The following NEK7 variants were observed in gnomAD, a reference collection of about 807,000 sequenced individuals.
The protein encoded by NEK7 is serine/threonine-protein kinase Nek7.
In NEK7, 18 loss-of-function variants were observed where a neutral mutation model predicts 44.6. The ratio of observed to expected loss-of-function variants is 0.40; its 90% confidence interval spans 0.28 to 0.60. The LOEUF (loss-of-function observed/expected upper bound fraction) is 0.60. NEK7 is among the 20% of genes least tolerant of loss of function. The pLI, the probability that NEK7 is intolerant of heterozygous loss-of-function variation, is 0.38. For synonymous variants in NEK7, 130 were observed against 121.1 expected (o/e 1.07, Z -0.48); for missense variants, 256 against 366.5 (o/e 0.70, Z 2.46).
intron 9 of NEK7, among the ~76,000 whole-genome samples, chr1:198,311,028 C>A (rs1571622096): frequency 6.7e-6 from 1 of 149,130 alleles, no homozygotes; most frequent in Admixed American, 6.8e-5. Context: ...TTACCTTGGA[C>A]AGTATGGCCA....
chr1:198,173,430 TA>T lies in NEK7; in HGVS notation c.-29+16171del, dbSNP rs77952432. ...GGAGTCAAAGTGAGACTCTGTCTTT[TA>T]AAAAAAAAAAAAAAAAGGACAGCTT... On this transcript the variant is annotated intron_variant, in intron 1 of 9. Coordinates refer to ENST00000367385, the MANE Select transcript of NEK7 (RefSeq NM_133494.3). Among the ~76,000 whole-genome samples, 768 of 137,162 alleles carry T rather than the reference TA, an allele frequency of 5.6e-3. 4 individuals carry two copies. Among genetic ancestry groups the T allele is most frequent in the South Asian group, 0.029 (125 of 4,296 alleles). 90.0% of individuals were successfully genotyped at this position (137,162 alleles called of 152,430 possible). A position where few individuals can be genotyped will look rare whatever the true frequency, so the allele number is the denominator to read the frequency against.
chr1:198,231,420 A>C (rs1967824), intron 1 of NEK7, among the ~76,000 whole-genome samples: 49,828 of 147,948 alleles, frequency 0.34, 9,615 homozygotes, highest in East Asian at 0.8. Context: ...TCAATATATC[A>C]TTTGAGGTCA....
chr1:198,272,624 A>C (rs1653890907), intron 5 of NEK7, among the ~76,000 whole-genome samples: 1 of 151,848 alleles, frequency 6.6e-6, no homozygotes, highest in Non-Finnish European at 1.5e-5. Context: ...TGTTCTTTTT[A>C]ATCTCACTTT....
chr1:198,252,668 T>C (rs528639358), intron 2 of NEK7, among the ~76,000 whole-genome samples: 18 of 131,912 alleles, frequency 1.4e-4, no homozygotes, highest in South Asian at 7.6e-4. Flanking sequence ...GTTTATATAT[T>C]AAAACATATG....
chr1:198,246,196 C>T (rs1368305474), intron 2 of NEK7, among the ~76,000 whole-genome samples: 1 of 152,126 alleles, frequency 6.6e-6, no homozygotes, highest in Non-Finnish European at 1.5e-5. Context: ...CTAAAGGAGA[C>T]CTCCTCTTAT....
At chr1:198,288,096 A>G (rs1654434932) in intron 7 of NEK7, among the ~76,000 whole-genome samples, 1 of 152,220 alleles carries the variant, frequency 6.6e-6, no homozygotes, top group South Asian at 2.1e-4. Context: ...CTGTGGTCAC[A>G]TACTTGTTTT....
At chr1:198,221,441 C>T (rs895970777) in intron 1 of NEK7, among the ~76,000 whole-genome samples, 1 of 150,934 alleles carries the variant, frequency 6.6e-6, no homozygotes, top group Admixed American at 6.6e-5. Context: ...TTTTTTTCTG[C>T]CTAAAGACCA....
At chr1:198,229,405 AAT>A (rs1666321507) in intron 1 of NEK7, among the ~76,000 whole-genome samples, 2 of 152,324 alleles carry the variant, frequency 1.3e-5, no homozygotes, top group African/African-American at 4.8e-5. Context: ...CGCTCTGGCA[AAT>A]AAATCAAACC....
At chr1:198,291,065 G>C (rs1217191392) in intron 7 of NEK7, among the ~76,000 whole-genome samples, 1 of 152,138 alleles carries the variant, frequency 6.6e-6, no homozygotes, top group Non-Finnish European at 1.5e-5. Context: ...TAAAATGCTA[G>C]CATTTGTTCT....
intron 1 of NEK7, among the ~76,000 whole-genome samples, chr1:198,192,180 AT>A (rs200300527): frequency 9.4e-5 from 14 of 149,346 alleles, no homozygotes; most frequent in South Asian, 6.4e-4. Flanking sequence ...CTGATGTAAA[AT>A]TTTTTTTTTA....
At chr1:198,272,266 T>A (rs1479714693) in intron 5 of NEK7, among the ~76,000 whole-genome samples, 1 of 151,808 alleles carries the variant, frequency 6.6e-6, no homozygotes, top group Non-Finnish European at 1.5e-5. Flanking sequence ...TGAAGATAAT[T>A]TTGAAGGAGC....
At chr1:198,258,078 G>A (rs1031052321) in intron 3 of NEK7, among the ~76,000 whole-genome samples, 6 of 152,144 alleles carry the variant, frequency 3.9e-5, no homozygotes, top group South Asian at 2.1e-4. Flanking sequence ...AGGCCTCTCC[G>A]AGGATGTGAA....
chr1:198,249,160 G>C (rs1009756033), intron 2 of NEK7, among the ~76,000 whole-genome samples: 9 of 150,894 alleles, frequency 6.0e-5, no homozygotes, highest in Middle Eastern at 3.4e-3. Flanking sequence ...TTGTTCTTGC[G>C]ATAGTTTACT....
rs543097476 is a variant in NEK7, at chr1:198,250,960, G to A, written c.58-2080G>A. 3.0e-4 allele frequency among the ~76,000 whole-genome samples: 46 copies of A among 152,228 alleles called. No homozygotes were observed. In the South Asian group the frequency reaches 3.7e-3, roughly 12 times the overall value. ...GAGTGGGCATCCCTGTCTTGTGCCC[G>A]TTTTCAAAGGGAATGCTTCCAGTTT... On this transcript the variant is annotated intron_variant, in intron 2 of 9. Coordinates refer to ENST00000367385, the MANE Select transcript of NEK7 (RefSeq NM_133494.3).
chr1:198,276,748 C>T (rs1319206740), intron 5 of NEK7, among the ~76,000 whole-genome samples: 9 of 151,506 alleles, frequency 5.9e-5, no homozygotes, highest in Non-Finnish European at 1.2e-4. Flanking sequence ...TTAGCTTTTC[C>T]TTAAAGATTT....
chr1:198,292,878 G>C, intron 7 of NEK7, 67 bp from the exon 8 acceptor site: 1 of 859,758 alleles, frequency 1.2e-6, no homozygotes, highest in Non-Finnish European at 1.9e-6. Flanking sequence ...TTTGTATGTA[G>C]TTTCTGACCA....
chr1:198,268,183 A>G (rs1396247208), intron 5 of NEK7, among the ~76,000 whole-genome samples: 1 of 149,990 alleles, frequency 6.7e-6, no homozygotes, highest in Non-Finnish European at 1.5e-5. Flanking sequence ...AGCTGATCTC[A>G]TTCATACCTA....
At chr1:198,309,769 G>C (rs1655120226) in intron 9 of NEK7, among the ~76,000 whole-genome samples, 1 of 152,158 alleles carries the variant, frequency 6.6e-6, no homozygotes, top group Non-Finnish European at 1.5e-5. Flanking sequence ...CAAAGGACAT[G>C]AATTCATCAT....
chr1:198,226,731 C>CAGA (rs200873934), intron 1 of NEK7, among the ~76,000 whole-genome samples: 50,871 of 151,644 alleles, frequency 0.34, 9,731 homozygotes, highest in East Asian at 0.8. Flanking sequence ...AGGAGTCCTT[C>CAGA]TAACAATCTC....
Sources: allele counts gnomAD v4.1 joint callset (sites outside exome capture counted in the v4.1 genomes callset), GRCh38; gene constraint gnomAD v4.1.1; transcripts MANE v1.5; gene names NCBI Gene and HGNC (gene_info 2026-07-23, HGNC 2026-07-21).